PIEZO2: variants seen among roughly 807,000 people sequenced by gnomAD.
The protein encoded by PIEZO2 is piezo-type mechanosensitive ion channel component 2.
Under a neutral mutation model 337.3 loss-of-function variants are expected in PIEZO2, and 172 were observed. That is an observed-to-expected ratio of 0.51 (90% confidence interval 0.45 to 0.58). The LOEUF is 0.58. Among genes scored for constraint, PIEZO2 ranks in the 20% least tolerant of loss-of-function variants. The pLI is 0.00. For missense variants in PIEZO2, 3,028 were observed against 3,391.3 expected (o/e 0.89, Z 2.66); for synonymous variants, 1,251 against 1,228.5 (o/e 1.02, Z -0.38).
At chr18:11,066,916 T>A (rs2038173055) in intron 1 of PIEZO2, among the ~76,000 whole-genome samples, 1 of 152,216 alleles carries the variant, frequency 6.6e-6, no homozygotes, top group Admixed American at 6.5e-5. Flanking sequence ...AGACTTTTTA[T>A]ATATGATTAA....
intron 8 of PIEZO2, among the ~76,000 whole-genome samples, chr18:10,805,114 T>C (rs1284281271): frequency 1.3e-5 from 2 of 152,234 alleles, no homozygotes; most frequent in African/African-American, 4.8e-5. Flanking sequence ...ATCAAGCTAC[T>C]GCATTATCCA....
intron 1 of PIEZO2, among the ~76,000 whole-genome samples, chr18:11,121,188 G>A (rs928325599): frequency 1.3e-5 from 2 of 152,162 alleles, no homozygotes; most frequent in South Asian, 4.1e-4. Flanking sequence ...GGAGGTGGAG[G>A]TTGCAGTGAG....
Position 10,853,829 on chromosome 18 carries a change from A to G in PIEZO2, c.917+1524T>C, listed in dbSNP as rs2041624033. ...ACCATGTATCTCCTAAAATAATGGCATTTTTCTGTCTACCCACAAAACCAT... is the reference window on the plus strand; with the variant it reads ...ACCATGTATCTCCTAAAATAATGGCGTTTTTCTGTCTACCCACAAAACCAT... On this transcript the variant is annotated intron_variant, in intron 7 of 55. Coordinates refer to ENST00000674853, the MANE Select transcript of PIEZO2 (RefSeq NM_001378183.1). This position sits in a 1 kb window ranked among gnomAD's most constrained non-coding sequence, Gnocchi z 4.2. Among the ~76,000 whole-genome samples, 1 of 152,204 alleles carries G rather than the reference A, an allele frequency of 6.6e-6. No individual in the cohort carries two copies. Among genetic ancestry groups the G allele is most frequent in the Non-Finnish European group, 1.5e-5 (1 of 68,032 alleles).
At chr18:11,010,479 G>A (rs976624939) in intron 2 of PIEZO2, among the ~76,000 whole-genome samples, 4 of 152,096 alleles carry the variant, frequency 2.6e-5, no homozygotes, top group African/African-American at 4.8e-5. Flanking sequence ...AACTCCACAC[G>A]GGTCCACAAC....
chr18:10,957,580 A>C (rs1225327500), intron 3 of PIEZO2, among the ~76,000 whole-genome samples: 1 of 152,212 alleles, frequency 6.6e-6, no homozygotes, highest in Non-Finnish European at 1.5e-5. Flanking sequence ...AGAAAAAATA[A>C]GGAAAAAGCT....
At position 10,726,509 on chromosome 18, in the gene PIEZO2, T is replaced by A. The variant is rs114789182; in HGVS notation, c.5029+4898A>T. ...CAGCGTGCTGCTCCGCAAGCAGCCGTTCCTGTGGCGCGCTGCGCTGCTCTG... is the reference window on the plus strand; with the variant it reads ...CAGCGTGCTGCTCCGCAAGCAGCCGATCCTGTGGCGCGCTGCGCTGCTCTG... On this transcript the variant is annotated intron_variant, in intron 36 of 55. Transcript: ENST00000674853. The surrounding 1 kb of genome is among the most constrained non-coding windows in gnomAD (Gnocchi z 5.9). 4.6e-4 allele frequency: 683 copies of A among 1,488,028 alleles called. 1 individual carries two copies. The African/African-American group carries it at 7.9e-3, about 17-fold the overall frequency. 92.2% of individuals were successfully genotyped at this position (1,488,028 alleles called of 1,614,324 possible).
chr18:10,814,253 G>A (rs1222650584), intron 7 of PIEZO2, among the ~76,000 whole-genome samples: 3 of 152,008 alleles, frequency 2.0e-5, no homozygotes, highest in Non-Finnish European at 4.4e-5. Flanking sequence ...ACAGGCATGA[G>A]CCACCGTGCC....
Position 10,854,120 on chromosome 18 carries a change from T to C in PIEZO2, c.917+1233A>G, listed in dbSNP as rs926098551. ...GCCTTGCAGAATCCACATTTTGAATTCTTTTGATTGTTTTTCTTGTGGAGC... is the reference window on the plus strand; with the variant it reads ...GCCTTGCAGAATCCACATTTTGAATCCTTTTGATTGTTTTTCTTGTGGAGC... On this transcript the variant is annotated intron_variant, in intron 7 of 55. Transcript: ENST00000674853. This position sits in a 1 kb window ranked among gnomAD's most constrained non-coding sequence, Gnocchi z 4.6. Among the ~76,000 whole-genome samples the C allele has an allele frequency of 6.6e-6, 1 of 152,184 alleles. No individual in the cohort carries two copies. The highest frequency in any genetic ancestry group is 1.5e-5 in the Non-Finnish European group (1 of 68,034).
In PIEZO2 at chr18:11,030,029, G is replaced by A. The variant is rs146890401; in HGVS notation, c.160+36098C>T. On this transcript the variant is annotated intron_variant, in intron 2 of 55. Transcript: ENST00000674853. Reference sequence around the variant, plus strand: ...ATTAGGTAACTTTTACTCCCTTTAAGTAATATAAGAAGGCAGTACTCTGCA... The same window carrying A: ...ATTAGGTAACTTTTACTCCCTTTAAATAATATAAGAAGGCAGTACTCTGCA... Among the ~76,000 whole-genome samples the A allele has an allele frequency of 5.9e-5, 9 of 152,216 alleles. No homozygotes were observed. In the East Asian group the frequency reaches 1.7e-3, roughly 29 times the overall value.
At chr18:10,992,117 A>G (rs1432427571) in intron 2 of PIEZO2, among the ~76,000 whole-genome samples, 1 of 152,032 alleles carries the variant, frequency 6.6e-6, no homozygotes, top group Non-Finnish European at 1.5e-5. Context: ...CTCTTTGTAG[A>G]TTCTGGATAT....
intron 2 of PIEZO2, among the ~76,000 whole-genome samples, chr18:11,037,992 T>C (rs1412410996): frequency 1.3e-5 from 2 of 152,192 alleles, no homozygotes; most frequent in Non-Finnish European, 1.5e-5. Flanking sequence ...AATACCCCAT[T>C]GCCACACACT....
At chr18:10,719,660 T>C (rs777156435) in intron 36 of PIEZO2, among the ~76,000 whole-genome samples, 17 of 152,208 alleles carry the variant, frequency 1.1e-4, no homozygotes, top group Non-Finnish European at 1.9e-4. Context: ...ACAATAAACA[T>C]GTGAGTGCAG....
intron 3 of PIEZO2, among the ~76,000 whole-genome samples, chr18:10,975,348 A>T (rs2145461539): frequency 6.6e-6 from 1 of 152,330 alleles, no homozygotes; most frequent in East Asian, 1.9e-4. Context: ...TTATTTAAGT[A>T]GCATAGTTTT....
At chr18:10,702,524 G>A (rs925184641) in intron 42 of PIEZO2, among the ~76,000 whole-genome samples, 2 of 152,136 alleles carry the variant, frequency 1.3e-5, no homozygotes, top group Non-Finnish European at 2.9e-5. Flanking sequence ...ATATTATTTA[G>A]GGAAACATGA....
intron 39 of PIEZO2, among the ~76,000 whole-genome samples, chr18:10,712,917 T>G (rs896171291): frequency 6.6e-6 from 1 of 152,206 alleles, no homozygotes; most frequent in African/African-American, 2.4e-5. Flanking sequence ...CATAAAAATA[T>G]ACAATAATAG....
At chr18:10,751,918 C>T (rs1159829109) in intron 28 of PIEZO2, among the ~76,000 whole-genome samples, 3 of 152,068 alleles carry the variant, frequency 2.0e-5, no homozygotes, top group Non-Finnish European at 2.9e-5. Context: ...AGTTGCATGT[C>T]ATGTTAGGGG....
At chr18:10,731,678 T>C (rs1015082760) in intron 35 of PIEZO2, among the ~76,000 whole-genome samples, 157 bp from the exon 36 acceptor site, 7 of 150,484 alleles carry the variant, frequency 4.7e-5, no homozygotes, top group African/African-American at 1.7e-4. Flanking sequence ...TTTTTTTTTT[T>C]AGAAAAAGAC....
At chr18:11,014,481 A>G (rs545494417) in intron 2 of PIEZO2, among the ~76,000 whole-genome samples, 1,759 of 146,378 alleles carry the variant, frequency 0.012, 5 homozygotes, top group Non-Finnish European at 0.019. Context: ...TGGGACAGCG[A>G]TCCAGGGCCC....
At position 10,742,291 on chromosome 18, in the gene PIEZO2, G is replaced by T. The variant is rs11877870; in HGVS notation, c.4636+203C>A. ...CTATCTTGCTGAAGAGTGGATACTT[G>T]TAAACTAATTGATTTATCAAATACA... is the stretch of plus-strand genomic sequence containing the variant. On this transcript the variant is annotated intron_variant, in intron 32 of 55. Coordinates refer to ENST00000674853, the MANE Select transcript of PIEZO2 (RefSeq NM_001378183.1). Among the ~76,000 whole-genome samples the T allele has an allele frequency of 0.27, 41,830 of 152,174 alleles. 5,844 individuals are homozygous for T. The highest frequency in any genetic ancestry group is 0.32 in the African/African-American group (13,370 of 41,518).
Sources: allele counts gnomAD v4.1 joint callset (sites outside exome capture counted in the v4.1 genomes callset), GRCh38; gene constraint gnomAD v4.1.1; non-coding constraint Gnocchi (gnomAD v3.1); transcripts MANE v1.5; gene names NCBI Gene and HGNC (gene_info 2026-07-23, HGNC 2026-07-21).